Variants in ZFHX3 observed in about 807,000 individuals in gnomAD.
ZFHX3 encodes the protein zinc finger homeobox protein 3.
A neutral mutation model predicts 279.1 loss-of-function variants in ZFHX3; 42 were observed. The ratio of observed to expected loss-of-function variants is 0.15; its 90% CI spans 0.12 to 0.19. The LOEUF (loss-of-function observed/expected upper bound fraction) is 0.19. Ranked by LOEUF, ZFHX3 falls within the 10% of genes least tolerant of loss-of-function variation. The pLI is 1.00. For synonymous variants in ZFHX3, 2,293 were observed against 1,957.8 expected, an observed-to-expected ratio of 1.17 and a Z score of -4.52; for missense variants, 4,981 against 4,754.0, an observed-to-expected ratio of 1.05 and a Z score of -1.40.
At chr16:73,704,825 C>CCAGT (rs1327344698) in intron 1 of ZFHX3, among the ~76,000 whole-genome samples, 1 of 152,166 alleles carries the variant, frequency 6.6e-6, no homozygotes, top group Admixed American at 6.5e-5. Context: ...GCTCTGGGAG[C>CCAGT]CAGTGTAGAA....
chr16:72,812,613 G>C (rs1027109103), intron 5 of ZFHX3, among the ~76,000 whole-genome samples: 4 of 152,196 alleles, frequency 2.6e-5, no homozygotes, highest in Non-Finnish European at 4.4e-5. Context: ...TCAGCAGTTT[G>C]CTTTTGGGGA....
chr16:72,931,955 C>G (rs1372469191), intron 3 of ZFHX3, among the ~76,000 whole-genome samples: 2 of 152,192 alleles, frequency 1.3e-5, no homozygotes, highest in African/African-American at 4.8e-5. Context: ...TAACAAGAAC[C>G]AAAGTCAAAT....
chr16:73,389,259 T>G (rs898299620), intron 3 of ZFHX3: 11 of 152,046 alleles, frequency 7.2e-5, no homozygotes. Flanking sequence ...AACACAGACC[T>G]GCTGATTCGT....
At chr16:73,183,638 G>C (rs1029133443) in intron 5 of ZFHX3, among the ~76,000 whole-genome samples, 2 of 150,186 alleles carry the variant, frequency 1.3e-5, no homozygotes, top group Non-Finnish European at 2.9e-5. Flanking sequence ...TCTTACGTTT[G>C]GGAAAACTCT....
intron 2 of ZFHX3, among the ~76,000 whole-genome samples, chr16:73,480,460 G>A (rs1312391133): frequency 6.6e-6 from 1 of 152,102 alleles, no homozygotes; most frequent in Non-Finnish European, 1.5e-5. Context: ...AACTCCTCCT[G>A]CCACTGCTAA....
In ZFHX3 at chr16:72,812,004, A is replaced by C. The variant is rs2143596789; in HGVS notation, c.3564T>G (p.Asp1188Glu). The change falls in exon 6 of 10, where the codon GAT (aspartate) becomes GAG (glutamate). Residue 1188 changes from aspartate to glutamate, a missense_variant. Physicochemically the swap from Asp to Glu is conservative, Grantham distance 45. Coordinates refer to ENST00000268489, the MANE Select transcript of ZFHX3 (RefSeq NM_006885.4). ...AGATGCGTTTGGAGGTTGCAGGAGA[A>C]TCTGTCAGCTCCTTCTCTGCTTGGC... The part of the protein sequence containing the change: ...SSSQAEKELT[D>E]SPATSKRISF... The C allele has an allele frequency of 6.2e-7, 1 of 1,614,144 alleles. No homozygotes were observed. Among genetic ancestry groups the C allele is most frequent in the Non-Finnish European group, 8.5e-7 (1 of 1,180,036 alleles).
At chr16:73,387,576 C>A (rs1300599124) in intron 3 of ZFHX3, among the ~76,000 whole-genome samples, 1 of 151,682 alleles carries the variant, frequency 6.6e-6, no homozygotes, top group Non-Finnish European at 1.5e-5. Context: ...TCTGTAAAAC[C>A]CACGGAAAAA....
chr16:73,076,108 C>A (rs539935186), intron 8 of ZFHX3, among the ~76,000 whole-genome samples: 105 of 152,282 alleles, frequency 6.9e-4, no homozygotes, highest in African/African-American at 2.4e-3. Flanking sequence ...AGGGTTGTTT[C>A]AGGATTAAAT....
rs919235714 is a variant in ZFHX3 at position 72,887,554 on chromosome 16, T to G, written c.3448+2177A>C. On this transcript the variant is annotated intron_variant, in intron 4 of 9. Transcript: ENST00000268489. ...AGTGGGAGGGAGTCCAACTGTTGTG[T>G]GGGGGGTGCAGGAGTGTGCGGGGCA... is the stretch of plus-strand genomic sequence containing the variant. Among the ~76,000 whole-genome samples, 151 of 150,522 alleles carry G rather than the reference T, an allele frequency of 1.0e-3. 1 individual carries two copies. The highest frequency in any genetic ancestry group is 1.7e-3 in the Non-Finnish European group (116 of 67,634).
chr16:73,782,244 T>G (rs1190593623), intron 1 of ZFHX3, among the ~76,000 whole-genome samples: 1 of 152,192 alleles, frequency 6.6e-6, no homozygotes, highest in Admixed American at 6.5e-5. Context: ...TCTGTTTTGT[T>G]GGGTAGGTGA....
intron 5 of ZFHX3, among the ~76,000 whole-genome samples, chr16:73,214,333 T>C (rs2012121441): frequency 6.6e-6 from 1 of 152,170 alleles, no homozygotes; most frequent in Admixed American, 6.5e-5. Context: ...CAGAGCCAAG[T>C]GTGAGCTATG....
chr16:73,867,928 G>T (rs1962069523), intron 1 of ZFHX3, among the ~76,000 whole-genome samples: 2 of 152,168 alleles, frequency 1.3e-5, no homozygotes, highest in Non-Finnish European at 2.9e-5. Context: ...AGAACATGGT[G>T]AGTCTTTCAT....
chr16:73,041,032 G>C (rs1965092903), intron 1 of ZFHX3, among the ~76,000 whole-genome samples: 1 of 152,206 alleles, frequency 6.6e-6, no homozygotes, highest in Non-Finnish European at 1.5e-5. Flanking sequence ...CCAAAGAGTG[G>C]GCTTTTTTGA....
At chr16:73,247,609 T>A (rs867182061) in intron 5 of ZFHX3, among the ~76,000 whole-genome samples, 21 of 151,926 alleles carry the variant, frequency 1.4e-4, no homozygotes, top group Middle Eastern at 3.4e-3. Context: ...TCTGTGTATA[T>A]GTACCTGTAT....
Position 72,793,059 on chromosome 16 carries a change from C to A in ZFHX3, c.9427+196G>T, listed in dbSNP as rs1277156020. ...TGGTTTCAAAGGAGACTGTTCCGACCAGGAGGTCCCATCCCTGACACACCA... is the reference window on the plus strand; with the variant it reads ...TGGTTTCAAAGGAGACTGTTCCGACAAGGAGGTCCCATCCCTGACACACCA... On this transcript the variant is annotated intron_variant, in intron 9 of 9. Transcript: ENST00000268489. This position sits in a 1 kb window ranked among gnomAD's most constrained non-coding sequence, Gnocchi z 4.3. 1.3e-5 allele frequency among the ~76,000 whole-genome samples: 2 copies of A among 152,208 alleles called. No homozygotes were observed. Among genetic ancestry groups the A allele is most frequent in the East Asian group, 1.9e-4 (1 of 5,196 alleles).
intron 8 of ZFHX3, among the ~76,000 whole-genome samples, chr16:73,084,871 C>T (rs1965992345): frequency 6.6e-6 from 1 of 152,098 alleles, no homozygotes; most frequent in Non-Finnish European, 1.5e-5. Flanking sequence ...ACAAGGAATA[C>T]TATAAAGCAC....
intron 1 of ZFHX3, among the ~76,000 whole-genome samples, chr16:73,880,189 G>A (rs1280718689): frequency 6.6e-6 from 1 of 152,080 alleles, no homozygotes; most frequent in Admixed American, 6.5e-5. Flanking sequence ...GAAGGTCGCT[G>A]TCAGATTTGC....
At chr16:73,581,660 T>C (rs867343797) in intron 2 of ZFHX3, among the ~76,000 whole-genome samples, 3 of 64,688 alleles carry the variant, frequency 4.6e-5, no homozygotes, top group Non-Finnish European at 6.9e-5. Context: ...CGAATGTCTC[T>C]TTTTTTTTTT....
intron 3 of ZFHX3, among the ~76,000 whole-genome samples, chr16:73,321,797 G>T (rs191653927): frequency 1.1e-3 from 163 of 152,212 alleles, no homozygotes; most frequent in African/African-American, 3.6e-3. Flanking sequence ...TCCCCCAAAG[G>T]GTAGGCGGGT....
Sources: gnomAD v4.1 joint callset for allele counts (sites outside exome capture counted in the v4.1 genomes callset) on GRCh38, gnomAD v4.1.1 for gene constraint, Gnocchi (gnomAD v3.1) non-coding constraint, MANE v1.5 for transcripts, NCBI Gene and HGNC (gene_info 2026-07-23, HGNC 2026-07-21) for gene names.